The following ELF3 variants were observed in gnomAD, a reference collection of about 807,000 sequenced individuals.
The protein encoded by ELF3 is E74 like ETS transcription factor 3.
In ELF3, 18 loss-of-function variants were observed where a neutral mutation model predicts 43.9. The observed-to-expected ratio is 0.41, with a 90% CI of 0.28 to 0.61. The LOEUF (loss-of-function observed/expected upper bound fraction) is 0.61, where lower values mean the gene tolerates loss of function less well. Among genes scored for constraint, ELF3 ranks in the 20% least tolerant of loss-of-function variants. The pLI is 0.30. For missense variants in ELF3, 373 were observed against 487.7 expected, an observed-to-expected ratio of 0.76 and a Z score of 2.21; for synonymous variants, 181 against 190.2, an observed-to-expected ratio of 0.95 and a Z score of 0.40.
At position 202,015,622 on chromosome 1, in the gene ELF3, G is replaced by A. The variant is rs1684295133; in HGVS notation, c.*299G>A. 5 of 376,844 alleles carry A rather than the reference G, an allele frequency of 1.3e-5. No individual in the cohort carries two copies. Among genetic ancestry groups the A allele is most frequent in the South Asian group, 5.2e-5 (2 of 38,712 alleles). The allele number at this position is 376,844 out of a possible 1,614,324, so 23.3% of individuals were successfully genotyped here. ...AACCCAGTCTCAGACACTAAATGCAGACAACACCTTCCTCCTGCAGACACC... is the reference window on the plus strand; with the variant it reads ...AACCCAGTCTCAGACACTAAATGCAAACAACACCTTCCTCCTGCAGACACC... On this transcript the variant is annotated 3_prime_UTR_variant, in exon 9 of 9. Coordinates refer to ENST00000367284, the MANE Select transcript of ELF3 (RefSeq NM_004433.5).
chr1:202,015,156 C>T (rs1684286618), intron 8 of ELF3, 53 bp from the exon 9 acceptor site: 2 of 1,595,936 alleles, frequency 1.3e-6, no homozygotes, highest in African/African-American at 1.3e-5. Flanking sequence ...GGGCTGGCAG[C>T]CTGGGGCCCA....
intron 8 of ELF3, 33 bp from the exon 9 acceptor site, chr1:202,015,176 A>C (rs776676170): frequency 1.9e-6 from 3 of 1,612,026 alleles, no homozygotes; most frequent in Non-Finnish European, 2.5e-6. Flanking sequence ...ATTTCCTGCC[A>C]AAGCACCTCT....
In ELF3 at chr1:202,016,551, A is replaced by G. The variant is rs1045813899; in HGVS notation, c.*1228A>G. 1.3e-5 allele frequency: 2 copies of G among 150,364 alleles called. No individual in the cohort carries two copies. Among genetic ancestry groups the G allele is most frequent in the Non-Finnish European group, 3.0e-5 (2 of 67,742 alleles). The allele number at this position is 150,364 out of a possible 1,614,324, so 9.3% of individuals were successfully genotyped here. Reference sequence around the variant, plus strand: ...AAAAAAAAAACAAAACAAAATGGAGATGAGTACTTGCTGAGAAAGAATGAG... The same window carrying G: ...AAAAAAAAAACAAAACAAAATGGAGGTGAGTACTTGCTGAGAAAGAATGAG... On this transcript the variant is annotated 3_prime_UTR_variant, in exon 9 of 9. Transcript: ENST00000367284.
At position 202,010,767 on chromosome 1, in the gene ELF3, A is replaced by C. The variant is rs775034447; in HGVS notation, c.-9+61A>C. The stretch of plus-strand genomic sequence containing the variant: ...CTTGGGAAACTGCAGAGGGGTCCAG[A>C]GGATTTGCAGTTCTGAACCTGCACA... On this transcript the variant is annotated intron_variant, in intron 1 of 8. Coordinates refer to ENST00000367284, the MANE Select transcript of ELF3 (RefSeq NM_004433.5). This position sits in a 1 kb window ranked among gnomAD's most constrained non-coding sequence, Gnocchi z 4.3. 1 of 189,896 alleles carries C rather than the reference A, an allele frequency of 5.3e-6. No individual in the cohort carries two copies. Among genetic ancestry groups the C allele is most frequent in the Non-Finnish European group, 1.1e-5 (1 of 91,172 alleles). The allele number at this position is 189,896 out of a possible 1,614,324, so 11.8% of individuals were successfully genotyped here.
In ELF3 at chr1:202,012,701, C is replaced by A. The variant is rs751264235; in HGVS notation, c.540C>A (p.His180Gln). Residue 180 changes from histidine (H) to glutamine (Q), a missense_variant, in exon 5 of 9, where the codon CAC (histidine) becomes CAA (glutamine). Around this residue, in one of 3 missense-constraint regions of ELF3, gnomAD observed 311 missense variants for 351.2 expected, o/e 0.89. Transcript: ENST00000367284. This position sits in a 1 kb window ranked among gnomAD's most constrained non-coding sequence, Gnocchi z 4.2. ...ACGGTCAGCAAGCCAGCCCCTACCA[C>A]CCCGGCAGCTGTGGCGCAGGAGCCC... ...LDDGQQASPY[H>Q]PGSCGAGAPS... 1.2e-6 allele frequency: 2 copies of A among 1,608,446 alleles called. No individual in the cohort carries two copies. Among genetic ancestry groups the A allele is most frequent in the Non-Finnish European group, 1.7e-6 (2 of 1,177,420 alleles).
rs758990190 is a variant in ELF3, at chr1:202,015,376, C to T, written c.*53C>T. ...TCACGGACCACTCGAGGCCTGCAAA[C>T]CTTCCTGGGAGGACAGGCAGGCCAG... is the stretch of plus-strand genomic sequence containing the variant. On this transcript the variant is annotated 3_prime_UTR_variant, in exon 9 of 9. Coordinates refer to ENST00000367284, the MANE Select transcript of ELF3 (RefSeq NM_004433.5). 127 of 1,581,786 alleles carry T rather than the reference C, an allele frequency of 8.0e-5. No individual in the cohort carries two copies. The highest frequency in any genetic ancestry group is 1.0e-4 in the Non-Finnish European group (118 of 1,155,832).
chr1:202,011,878 A>C, intron 2 of ELF3, 79 bp from the exon 3 acceptor site: 1 of 189,176 alleles, frequency 5.3e-6, no homozygotes, highest in Non-Finnish European at 7.6e-6. Context: ...ACTCCATCTC[A>C]AAAAAAAAAA....
At chr1:202,015,161 G>T (rs1286442940) in intron 8 of ELF3, 48 bp from the exon 9 acceptor site, 1 of 1,602,346 alleles carries the variant, frequency 6.2e-7, no homozygotes, top group Admixed American at 1.7e-5. Context: ...GGCAGCCTGG[G>T]GCCCATTTCC....
chr1:202,013,233 G>A lies in ELF3; in HGVS notation c.740G>A (p.Arg247Gln), dbSNP rs755079997. 16 of 1,614,034 alleles carry A rather than the reference G, an allele frequency of 9.9e-6. No homozygotes were observed. The highest frequency in any genetic ancestry group is 6.7e-5 in the East Asian group (3 of 44,890). ...GATCCCAAGCACGGGAAGCGGAAACGAGGCCGGCCCCGAAAGCTGAGCAAA... is the reference window on the plus strand; with the variant it reads ...GATCCCAAGCACGGGAAGCGGAAACAAGGCCGGCCCCGAAAGCTGAGCAAA... Reference protein sequence around the residue: ...KGDPKHGKRKRGRPRKLSKEY... With the variant: ...KGDPKHGKRKQGRPRKLSKEY... The change falls in exon 7 of 9, where the codon CGA becomes CAA. Residue 247 changes from arginine (R) to glutamine (Q), a missense_variant. Arg to Gln is a conservative substitution (Grantham distance 43). Around this residue, in one of 3 missense-constraint regions of ELF3, gnomAD observed 311 missense variants for 351.2 expected, o/e 0.89. Transcript: ENST00000367284. This position sits in a 1 kb window ranked among gnomAD's most constrained non-coding sequence, Gnocchi z 5.7.
intron 8 of ELF3, among the ~76,000 whole-genome samples, chr1:202,014,454 T>TTTTTCC (rs961165146): frequency 2.6e-5 from 4 of 152,166 alleles, no homozygotes; most frequent in African/African-American, 9.7e-5. Context: ...TACTTACTTT[T>TTTTTCC]TTTTTCTTTT....
intron 8 of ELF3, 114 bp downstream of exon 8, chr1:202,014,138 T>C: frequency 4.0e-6 from 5 of 1,251,904 alleles, no homozygotes; most frequent in Non-Finnish European, 5.5e-6. Context: ...GCTGAGTCCT[T>C]AGAGTGAGGA....
intron 8 of ELF3, among the ~76,000 whole-genome samples, chr1:202,014,441 A>G (rs1351751993): frequency 6.6e-6 from 1 of 152,022 alleles, no homozygotes; most frequent in Non-Finnish European, 1.5e-5. Context: ...CCCTAAAATC[A>G]TGTACTTACT....
Position 202,013,368 on chromosome 1 carries a change from T to G in ELF3, c.805+70T>G. On this transcript the variant is annotated intron_variant, in intron 7 of 8. Coordinates refer to ENST00000367284, the MANE Select transcript of ELF3 (RefSeq NM_004433.5). This position sits in a 1 kb window ranked among gnomAD's most constrained non-coding sequence, Gnocchi z 5.7. ...GGCTTCCTGGGGCACTGCGGGTTGTTGCAGGTATCCCTTCTCCCGTTTTCT... is the reference window on the plus strand; with the variant it reads ...GGCTTCCTGGGGCACTGCGGGTTGTGGCAGGTATCCCTTCTCCCGTTTTCT... 3 of 1,491,284 alleles carry G rather than the reference T, an allele frequency of 2.0e-6. No homozygotes were observed. In the South Asian group the frequency reaches 3.5e-5, roughly 18 times the overall value. The allele number at this position is 1,491,284 out of a possible 1,614,324, so 92.4% of individuals were successfully genotyped here.
chr1:202,014,088 C>G (rs1194732409), intron 8 of ELF3, 64 bp downstream of exon 8: 14 of 1,504,594 alleles, frequency 9.3e-6, no homozygotes, highest in Admixed American at 2.2e-5. Flanking sequence ...CACACTCCCA[C>G]CGCCCTCTTT....
Position 202,012,014 on chromosome 1 carries a change from A to G in ELF3, c.221A>G (p.Asp74Gly). Residue 74 changes from aspartate (D) to glycine (G), a missense_variant, in exon 3 of 9, where the codon GAC (aspartate) becomes GGC (glycine). This residue lies in a region of ELF3 where 311 missense variants were observed against 351.2 expected (regional missense o/e 0.89). Coordinates refer to ENST00000367284, the MANE Select transcript of ELF3 (RefSeq NM_004433.5). This position sits in a 1 kb window ranked among gnomAD's most constrained non-coding sequence, Gnocchi z 4.2. ...TTCTGGTCGAAGACGCAGGTTCTGG[A>G]CTGGATCAGCTACCAAGTGGAGAAG... ...PQFWSKTQVL[D>G]WISYQVEKNK... 1 of 1,614,150 alleles carries G rather than the reference A, an allele frequency of 6.2e-7. No individual in the cohort carries two copies. The highest frequency in any genetic ancestry group is 8.5e-7 in the Non-Finnish European group (1 of 1,180,034).
chr1:202,013,780 G>A lies in ELF3; in HGVS notation c.806-49G>A, dbSNP rs772761178. On this transcript the variant is annotated intron_variant, in intron 7 of 8. Coordinates refer to ENST00000367284, the MANE Select transcript of ELF3 (RefSeq NM_004433.5). This position sits in a 1 kb window ranked among gnomAD's most constrained non-coding sequence, Gnocchi z 5.7. Reference sequence around the variant, plus strand: ...GGGCGGGCAGGGCTGGCTGGCCTTGGGTGAGAGGGGACACCTGGATGGCAA... The same window carrying A: ...GGGCGGGCAGGGCTGGCTGGCCTTGAGTGAGAGGGGACACCTGGATGGCAA... 2 of 1,569,560 alleles carry A rather than the reference G, an allele frequency of 1.3e-6. No individual in the cohort carries two copies. Among genetic ancestry groups the A allele is most frequent in the Non-Finnish European group, 8.7e-7 (1 of 1,155,028 alleles).
chr1:202,015,591 T>A lies in ELF3; in HGVS notation c.*268T>A. On this transcript the variant is annotated 3_prime_UTR_variant, in exon 9 of 9. Transcript: ENST00000367284. ...AGTGTATCTCCTTTTATCTGGTGCCTCCTCAAACCCAGTCTCAGACACTAA... is the reference window on the plus strand; with the variant it reads ...AGTGTATCTCCTTTTATCTGGTGCCACCTCAAACCCAGTCTCAGACACTAA... 1 of 446,238 alleles carries A rather than the reference T, an allele frequency of 2.2e-6. No individual in the cohort carries two copies. The highest frequency in any genetic ancestry group is 2.3e-5 in the South Asian group (1 of 43,266). 27.6% of individuals were successfully genotyped at this position (446,238 alleles called of 1,614,324 possible).
chr1:202,015,709 C>A lies in ELF3; in HGVS notation c.*386C>A. 1 of 213,510 alleles carries A rather than the reference C, an allele frequency of 4.7e-6. No individual in the cohort carries two copies. Among genetic ancestry groups the A allele is most frequent in the South Asian group, 9.6e-5 (1 of 10,374 alleles). 13.2% of individuals were successfully genotyped at this position (213,510 alleles called of 1,614,324 possible). On this transcript the variant is annotated 3_prime_UTR_variant, in exon 9 of 9. Transcript: ENST00000367284. ...GAGCACCGTGATGGAGAGGACAGAG[C>A]AGGGGCTCCAGCACCTTCTTTCTGG...
At chr1:202,011,582 G>A in intron 2 of ELF3, 1 of 479,958 alleles carries the variant, frequency 2.1e-6, no homozygotes, top group Non-Finnish European at 3.7e-6. Context: ...CAGGAATGGG[G>A]CTGTGTGGGC....
Sources: gnomAD v4.1 joint callset for allele counts (sites outside exome capture counted in the v4.1 genomes callset) on GRCh38, gnomAD v4.1.1 for gene constraint, gnomAD v4.1.1 regional missense constraint, Gnocchi (gnomAD v3.1) non-coding constraint, MANE v1.5 for transcripts, NCBI Gene and HGNC (gene_info 2026-07-23, HGNC 2026-07-21) for gene names.